FOXP1: variants seen among roughly 807,000 people sequenced by gnomAD.
FOXP1 encodes forkhead box protein P1.
Under a neutral mutation model 98.2 loss-of-function variants are expected in FOXP1, and 15 were observed. The ratio of observed to expected loss-of-function variants is 0.15; its 90% CI spans 0.10 to 0.24. The LOEUF is 0.24. Ranked by LOEUF, FOXP1 falls within the 10% of genes least tolerant of loss-of-function variation. The probability of loss-of-function intolerance (pLI) is 1.00; values close to 1 mark genes in which losing one functional copy is unlikely to be tolerated. For synonymous variants in FOXP1, 371 were observed against 314.5 expected (o/e 1.18, Z -1.90); for missense variants, 633 against 848.5 (o/e 0.75, Z 3.15).
At chr3:71,395,434 T>C (rs2081315234) in intron 3 of FOXP1, among the ~76,000 whole-genome samples, 1 of 151,040 alleles carries the variant, frequency 6.6e-6, no homozygotes, top group South Asian at 2.1e-4. Context: ...TCCCTAAGTC[T>C]GGAATGCTTC....
intron 3 of FOXP1, among the ~76,000 whole-genome samples, chr3:71,450,356 C>T (rs900815893): frequency 9.2e-5 from 14 of 152,234 alleles, no homozygotes; most frequent in African/African-American, 2.4e-4. Flanking sequence ...CAATGAACTT[C>T]GCCCTCCCCA....
At chr3:71,456,648 A>T (rs977553762) in intron 3 of FOXP1, among the ~76,000 whole-genome samples, 2 of 152,178 alleles carry the variant, frequency 1.3e-5, no homozygotes, top group African/African-American at 4.8e-5. Context: ...GAGGAGGATA[A>T]GAGCAGTTCC....
Position 71,175,098 on chromosome 3 carries a change from G to C in FOXP1, c.180+23104C>G, listed in dbSNP as rs1342235497. 3.3e-5 allele frequency among the ~76,000 whole-genome samples: 5 copies of C among 152,152 alleles called. No individual in the cohort carries two copies. The East Asian group carries it at 9.7e-4, about 29-fold the overall frequency. ...TCGCTAATTTTTTGTGTTTTCAGTA[G>C]AGACGAGGTTTCACTATATTGGCCA... On this transcript the variant is annotated intron_variant, in intron 6 of 20. Transcript: ENST00000649528.
intron 6 of FOXP1, among the ~76,000 whole-genome samples, chr3:71,149,401 GA>G (rs1490375674): frequency 6.6e-6 from 1 of 152,064 alleles, no homozygotes; most frequent in Non-Finnish European, 1.5e-5. Context: ...CTAAAATTGG[GA>G]TGCCTCTTAA....
At chr3:71,572,733 A>T (rs1578234211) in intron 2 of FOXP1, 1 of 152,220 alleles carries the variant, frequency 6.6e-6, no homozygotes. Flanking sequence ...GGGATATTCC[A>T]GGAGCCTCTC....
chr3:71,110,153 G>A (rs918717439), intron 7 of FOXP1, among the ~76,000 whole-genome samples: 1 of 152,070 alleles, frequency 6.6e-6, no homozygotes, highest in African/African-American at 2.4e-5. Flanking sequence ...AGAAGAAAAA[G>A]AGCCCTCAAA....
intron 2 of FOXP1, among the ~76,000 whole-genome samples, chr3:71,576,445 G>T (rs1019710379): frequency 6.6e-6 from 1 of 152,306 alleles, no homozygotes; most frequent in East Asian, 1.9e-4. Context: ...AATATTTCGT[G>T]ATATCAGTTC....
At chr3:70,984,760 T>C (rs777189958) in intron 14 of FOXP1, among the ~76,000 whole-genome samples, 1 of 152,062 alleles carries the variant, frequency 6.6e-6, no homozygotes, top group Admixed American at 6.6e-5. Context: ...GTCTGAGGGA[T>C]GGGAAGCCCG....
intron 4 of FOXP1, chr3:71,333,428 C>T (rs183085115): frequency 6.6e-6 from 1 of 152,232 alleles, no homozygotes; most frequent in Non-Finnish European, 1.5e-5. Flanking sequence ...ACATCTTACA[C>T]AAAATGAAAG....
chr3:71,498,253 AT>A lies in FOXP1; in HGVS notation c.-297-4699del, dbSNP rs1342530358. ...AGAGGCAGAAACAAAACAACAAGTG[AT>A]GTTTTCTTGTTTTGTTCTCCCCTGT... On this transcript the variant is annotated intron_variant, in intron 2 of 20. Transcript: ENST00000649528. 3.3e-5 allele frequency among the ~76,000 whole-genome samples: 5 copies of A among 152,152 alleles called. No homozygotes were observed. In the East Asian group the frequency reaches 9.6e-4, roughly 29 times the overall value.
Position 71,581,946 on chromosome 3 carries a change from GCAA to G in FOXP1, c.-446-252_-446-250del, listed in dbSNP as rs2048206526. 7.6e-6 allele frequency: 7 copies of G among 920,212 alleles called. No homozygotes were observed. In the Admixed American group the frequency reaches 3.8e-4, roughly 51 times the overall value. 57.0% of individuals were successfully genotyped at this position (920,212 alleles called of 1,614,324 possible). The stretch of plus-strand genomic sequence containing the variant: ...ACCTTCCCCAGGATCTCACAAAGTT[GCAA>G]CAACAAAAAGGAGGGGGGAGGAATA... On this transcript the variant is annotated intron_variant, in intron 1 of 20. Transcript: ENST00000649528.
intron 17 of FOXP1, among the ~76,000 whole-genome samples, chr3:70,976,531 G>C (rs2037564765): frequency 6.6e-6 from 1 of 152,194 alleles, no homozygotes; most frequent in Non-Finnish European, 1.5e-5. Flanking sequence ...TGTCAAGTTT[G>C]GTCATTTCTC....
At chr3:71,369,768 G>T (rs2079169890) in intron 3 of FOXP1, among the ~76,000 whole-genome samples, 1 of 152,162 alleles carries the variant, frequency 6.6e-6, no homozygotes, top group Non-Finnish European at 1.5e-5. Flanking sequence ...ATCGACCATA[G>T]AGTGTAGTTA....
intron 3 of FOXP1, among the ~76,000 whole-genome samples, chr3:71,491,023 A>G (rs1247880553): frequency 6.6e-6 from 1 of 151,968 alleles, no homozygotes; most frequent in Non-Finnish European, 1.5e-5. Context: ...TTTTATTATT[A>G]TTATTATTTT....
chr3:71,462,147 T>C lies in FOXP1; in HGVS notation c.-168+31279A>G, dbSNP rs376883681. On this transcript the variant is annotated intron_variant, in intron 3 of 20. Coordinates refer to ENST00000649528, the MANE Select transcript of FOXP1 (RefSeq NM_001349338.3). The stretch of plus-strand genomic sequence containing the variant: ...GCACATAAACACTTGCCGCATAAAA[T>C]CAGGAAACACTTCACTAATGCACTA... Among the ~76,000 whole-genome samples the C allele has an allele frequency of 9.2e-5, 14 of 152,204 alleles. No individual in the cohort carries two copies. In the East Asian group the frequency reaches 2.1e-3, roughly 23 times the overall value.
At chr3:71,080,690 TC>T (rs1437267858) in intron 7 of FOXP1, among the ~76,000 whole-genome samples, 3 of 152,224 alleles carry the variant, frequency 2.0e-5, no homozygotes, top group Non-Finnish European at 4.4e-5. Flanking sequence ...ACACTTCAAA[TC>T]CACCTACCTG....
At chr3:71,016,277 T>G (rs994718300) in intron 11 of FOXP1, among the ~76,000 whole-genome samples, 6 of 152,128 alleles carry the variant, frequency 3.9e-5, no homozygotes, top group African/African-American at 1.4e-4. Flanking sequence ...GAGAGAAAAT[T>G]TGGCATGAAC....
At chr3:71,029,692 A>G (rs2046609834) in intron 11 of FOXP1, among the ~76,000 whole-genome samples, 1 of 152,102 alleles carries the variant, frequency 6.6e-6, no homozygotes, top group African/African-American at 2.4e-5. Context: ...CGCTGGGCCC[A>G]TTTTTAACAA....
chr3:71,314,246 G>C (rs1237903974), intron 4 of FOXP1, among the ~76,000 whole-genome samples: 1 of 151,972 alleles, frequency 6.6e-6, no homozygotes, highest in East Asian at 1.9e-4. Context: ...AAAATAGCTG[G>C]CTGGCCAGGC....
Sources: allele counts gnomAD v4.1 joint callset (sites outside exome capture counted in the v4.1 genomes callset), GRCh38; gene constraint gnomAD v4.1.1; transcripts MANE v1.5; gene names NCBI Gene and HGNC (gene_info 2026-07-23, HGNC 2026-07-21).